The following CNTN5 variants were observed in gnomAD, a reference collection of about 807,000 sequenced individuals.
CNTN5 encodes contactin-5.
A neutral mutation model predicts 129.1 loss-of-function variants in CNTN5; 77 were observed. That is an observed-to-expected ratio of 0.60 (90% CI 0.50 to 0.72). The LOEUF is 0.72. CNTN5 is among the 30% of genes least tolerant of loss of function. The pLI is 0.00. For synonymous variants in CNTN5, 509 were observed against 465.6 expected (o/e 1.09, Z -1.20); for missense variants, 1,478 against 1,328.8 (o/e 1.11, Z -1.75).
At chr11:99,831,076 C>T (rs1446981346) in intron 4 of CNTN5, among the ~76,000 whole-genome samples, 2 of 152,082 alleles carry the variant, frequency 1.3e-5, no homozygotes, top group Non-Finnish European at 2.9e-5. Flanking sequence ...GGTTTGGCAT[C>T]CTGTGAATCT....
intron 3 of CNTN5, among the ~76,000 whole-genome samples, chr11:99,726,960 T>G (rs1416989368): frequency 6.6e-6 from 1 of 152,098 alleles, no homozygotes; most frequent in East Asian, 1.9e-4. Flanking sequence ...AGAAACTATC[T>G]TAGTCTAGTT....
intron 1 of CNTN5, among the ~76,000 whole-genome samples, chr11:99,112,937 C>T (rs762431107): frequency 1.3e-5 from 2 of 151,728 alleles, no homozygotes; most frequent in African/African-American, 4.8e-5. Flanking sequence ...TTGTACTAAA[C>T]GTTACAGTGA....
chr11:100,310,173 G>A (rs530785624), intron 21 of CNTN5, among the ~76,000 whole-genome samples: 1 of 151,994 alleles, frequency 6.6e-6, no homozygotes, highest in East Asian at 1.9e-4. Context: ...CTACATTAGT[G>A]TGAATTCACT....
chr11:100,104,731 T>C (rs1208155062), intron 13 of CNTN5, among the ~76,000 whole-genome samples: 1 of 152,158 alleles, frequency 6.6e-6, no homozygotes, highest in Non-Finnish European at 1.5e-5. Context: ...ACATAGTATA[T>C]ATCTGGGTAA....
chr11:100,244,550 G>A (rs1022731484), intron 16 of CNTN5, among the ~76,000 whole-genome samples: 1 of 152,116 alleles, frequency 6.6e-6, no homozygotes, highest in South Asian at 2.1e-4. Flanking sequence ...ATCCTTTTAG[G>A]CCTTTTTTAA....
chr11:99,892,040 G>A lies in CNTN5; in HGVS notation c.578-24014G>A, dbSNP rs184286360. Among the ~76,000 whole-genome samples the A allele has an allele frequency of 1.6e-3, 250 of 152,190 alleles. 3 individuals are homozygous for A. Among genetic ancestry groups the A allele is most frequent in the African/African-American group, 5.9e-3 (245 of 41,512 alleles). ...TCGTCATTCTAACTGGCCTGAGATG[G>A]TATCTAATAGTGGTTTTGATTTGCA... is the stretch of plus-strand genomic sequence containing the variant. On this transcript the variant is annotated intron_variant, in intron 6 of 24. Transcript: ENST00000524871.
At chr11:99,050,019 A>T (rs1321810440) in intron 1 of CNTN5, among the ~76,000 whole-genome samples, 1 of 152,112 alleles carries the variant, frequency 6.6e-6, no homozygotes, top group Non-Finnish European at 1.5e-5. Flanking sequence ...TATGCAATGA[A>T]TTAGTTTCTA....
chr11:99,594,303 C>T (rs1002424626), intron 3 of CNTN5, among the ~76,000 whole-genome samples: 5 of 152,090 alleles, frequency 3.3e-5, no homozygotes, highest in Admixed American at 2.0e-4. Flanking sequence ...TAGCTTTTTC[C>T]ATTAAGTGCA....
At chr11:99,285,404 A>G (rs749613078) in intron 1 of CNTN5, among the ~76,000 whole-genome samples, 1 of 152,120 alleles carries the variant, frequency 6.6e-6, no homozygotes, top group African/African-American at 2.4e-5. Context: ...ATCTGGATAC[A>G]GCAGGAATCC....
intron 1 of CNTN5, among the ~76,000 whole-genome samples, chr11:99,235,023 C>T (rs575174470): frequency 1.4e-5 from 2 of 143,410 alleles, no homozygotes; most frequent in Admixed American, 1.5e-4. Flanking sequence ...TTTTATAACA[C>T]AAAGGAGGAA....
chr11:100,282,038 T>C (rs1950652021), intron 18 of CNTN5, among the ~76,000 whole-genome samples: 2 of 151,438 alleles, frequency 1.3e-5, no homozygotes, highest in African/African-American at 4.8e-5. Context: ...ACAGCTATTT[T>C]GATTTATCTG....
At chr11:100,021,621 C>T (rs1015532431) in intron 9 of CNTN5, among the ~76,000 whole-genome samples, 5 of 152,090 alleles carry the variant, frequency 3.3e-5, no homozygotes, top group Admixed American at 6.6e-5. Flanking sequence ...GATATTAATA[C>T]AGATACTTCA....
At chr11:99,729,328 C>A (rs766406966) in intron 3 of CNTN5, among the ~76,000 whole-genome samples, 1 of 151,828 alleles carries the variant, frequency 6.6e-6, no homozygotes, top group Non-Finnish European at 1.5e-5. Flanking sequence ...GGTTTGTGGG[C>A]ACATGTTAAG....
intron 6 of CNTN5, among the ~76,000 whole-genome samples, chr11:99,895,869 A>G (rs532342336): frequency 1.3e-5 from 2 of 152,252 alleles, no homozygotes; most frequent in South Asian, 2.1e-4. Context: ...AAGGAGACAC[A>G]GCATTTTTCC....
chr11:100,317,371 A>G (rs975006367), intron 21 of CNTN5, among the ~76,000 whole-genome samples: 2 of 152,218 alleles, frequency 1.3e-5, no homozygotes, highest in African/African-American at 2.4e-5. Flanking sequence ...GTTACCAGAA[A>G]GCTAACAAAG....
At position 99,426,956 on chromosome 11, in the gene CNTN5, A is replaced by T. The variant is rs1370870890; in HGVS notation, c.-71+101472A>T. Among the ~76,000 whole-genome samples, 4 of 152,220 alleles carry T rather than the reference A, an allele frequency of 2.6e-5. No homozygotes were observed. The East Asian group carries it at 5.8e-4, about 22-fold the overall frequency. On this transcript the variant is annotated intron_variant, in intron 2 of 24. Transcript: ENST00000524871. Reference sequence around the variant, plus strand: ...TGGATATAATAATCTTGTATTTTTAAATCTCAGTTTTACTAAGCAAATCAG... The same window carrying T: ...TGGATATAATAATCTTGTATTTTTATATCTCAGTTTTACTAAGCAAATCAG...
intron 3 of CNTN5, among the ~76,000 whole-genome samples, chr11:99,741,929 T>C (rs1161016606): frequency 1.3e-5 from 2 of 152,072 alleles, no homozygotes; most frequent in Admixed American, 6.6e-5. Context: ...CCTGATTTCC[T>C]CCATTAAGGG....
intron 15 of CNTN5, among the ~76,000 whole-genome samples, chr11:100,217,315 G>A (rs766047492): frequency 1.3e-5 from 2 of 151,976 alleles, no homozygotes; most frequent in Non-Finnish European, 2.9e-5. Context: ...CTATTGGTTG[G>A]GTCACAGTAC....
At chr11:100,076,262 C>A (rs1290445496) in intron 13 of CNTN5, among the ~76,000 whole-genome samples, 1 of 152,168 alleles carries the variant, frequency 6.6e-6, no homozygotes, top group South Asian at 2.1e-4. Context: ...GCAAAACATT[C>A]TATCTGAAAT....
Sources: gnomAD v4.1 joint callset for allele counts (sites outside exome capture counted in the v4.1 genomes callset) on GRCh38, gnomAD v4.1.1 for gene constraint, MANE v1.5 for transcripts, NCBI Gene and HGNC (gene_info 2026-07-23, HGNC 2026-07-21) for gene names.